The following SERPINB11 variants were observed in gnomAD, a reference collection of about 807,000 sequenced individuals.
SERPINB11 encodes the protein serpin family B member 11, also known as serpin B11.
Under a neutral mutation model 36.7 loss-of-function variants are expected in SERPINB11, and 32 were observed. The ratio of observed to expected loss-of-function variants is 0.87; its 90% CI spans 0.66 to 1.17. The LOEUF is 1.17. Ranked by LOEUF, SERPINB11 falls within the 50% of genes most tolerant of loss-of-function variation. The pLI is 0.00. For synonymous variants in SERPINB11, 174 were observed against 168.1 expected, an observed-to-expected ratio of 1.04 and a Z score of -0.27; for missense variants, 528 against 458.4, an observed-to-expected ratio of 1.15 and a Z score of -1.39.
intron 1 of SERPINB11, among the ~76,000 whole-genome samples, chr18:63,704,314 A>C (rs1357358): frequency 0.37 from 56,480 of 152,074 alleles, 11,343 homozygotes; most frequent in East Asian, 0.61. Context: ...TCTGCACATG[A>C]AAAGACAATC....
rs759858871 is a variant in SERPINB11 at position 63,723,045 on chromosome 18, T to C, written c.825T>C (p.Ser275=). The part of the protein sequence containing the change: ...SGTFHEWTSS[S]NMMEREVEVH... ...CGTTTCATGAGTGGACAAGCTCTTC[T>C]AACATGATGGAAAGAGAAGTTGAAG... The change falls in exon 8 of 8, where the codon TCT becomes TCC. Residue 275 remains serine (S), a synonymous_variant. Transcript: ENST00000544088. The C allele has an allele frequency of 4.4e-6, 7 of 1,601,880 alleles. No individual in the cohort carries two copies. The South Asian group carries it at 7.9e-5, about 18-fold the overall frequency.
At chr18:63,717,053 C>T (rs1344434344) in intron 5 of SERPINB11, among the ~76,000 whole-genome samples, 1 of 152,012 alleles carries the variant, frequency 6.6e-6, no homozygotes, top group Non-Finnish European at 1.5e-5. Context: ...TGGAAATAAG[C>T]CCCTTTTTTC....
At chr18:63,715,817 C>G (rs1415392657) in intron 4 of SERPINB11, among the ~76,000 whole-genome samples, 1 of 152,162 alleles carries the variant, frequency 6.6e-6, no homozygotes, top group Non-Finnish European at 1.5e-5. Context: ...GAAGTAACAA[C>G]AAAACATTTC....
At position 63,723,265 on chromosome 18, in the gene SERPINB11, G is replaced by T; in HGVS notation, c.1045G>T (p.Ala349Ser). ...CGAAGAGGGCACGGAGGCAGCAGCA[G>T]CCACTGGGGACAGCATCGCTGTAAA... ...VSEEGTEAAA[A>S]TGDSIAVKSL... is the part of the protein sequence containing the mutation. The change falls in exon 8 of 8, where the codon GCC (alanine) becomes TCC (serine). Residue 349 changes from alanine (A) to serine (S), a missense_variant. By Grantham distance (99) the Ala-to-Ser change is moderately conservative (BLOSUM62 1). Coordinates refer to ENST00000544088, the MANE Select transcript of SERPINB11 (RefSeq NM_001370475.1). 1 of 1,613,986 alleles carries T rather than the reference G, an allele frequency of 6.2e-7. No homozygotes were observed. The highest frequency in any genetic ancestry group is 8.5e-7 in the Non-Finnish European group (1 of 1,179,874).
intron 5 of SERPINB11, among the ~76,000 whole-genome samples, chr18:63,716,597 C>T (rs1272054312): frequency 6.6e-6 from 1 of 152,074 alleles, no homozygotes; most frequent in Admixed American, 6.6e-5. Flanking sequence ...AATCTCTCAC[C>T]CTTTCTCCAA....
At chr18:63,722,735 T>C (rs1476767820) in intron 7 of SERPINB11, among the ~76,000 whole-genome samples, 1 of 152,128 alleles carries the variant, frequency 6.6e-6, no homozygotes, top group African/African-American at 2.4e-5. Context: ...GTGAAGCATG[T>C]ATGCTGAGGG....
chr18:63,720,750 T>C (rs7239198), intron 6 of SERPINB11, 81 bp from the exon 7 acceptor site: 315,779 of 989,312 alleles, frequency 0.32, 54,922 homozygotes, highest in East Asian at 0.59. Context: ...CATGCAGATA[T>C]CCGTGTTATG....
intron 4 of SERPINB11, 136 bp from the exon 5 acceptor site, chr18:63,715,899 A>G (rs1914653829): frequency 1.8e-6 from 1 of 549,022 alleles, no homozygotes; most frequent in Non-Finnish European, 3.2e-6. Flanking sequence ...GTACATATGG[A>G]TCCTGTTTCC....
intron 1 of SERPINB11, among the ~76,000 whole-genome samples, chr18:63,707,863 A>G (rs1228805970): frequency 6.6e-6 from 1 of 152,238 alleles, no homozygotes; most frequent in Non-Finnish European, 1.5e-5. Context: ...AGGGAATCAG[A>G]TAATAAATAC....
chr18:63,709,861 A>G (rs1914471670), intron 1 of SERPINB11, among the ~76,000 whole-genome samples: 1 of 152,164 alleles, frequency 6.6e-6, no homozygotes. Flanking sequence ...GGAAATTCAG[A>G]ATACAAAGAT....
Position 63,722,844 on chromosome 18 carries a change from A to G in SERPINB11, c.775-151A>G, listed in dbSNP as rs557980900. Reference sequence around the variant, plus strand: ...GAAAAGGGAAAATGTGGCTAATGGTATGATTTTGTTCCCAGGTAAGTAGAC... The same window carrying G: ...GAAAAGGGAAAATGTGGCTAATGGTGTGATTTTGTTCCCAGGTAAGTAGAC... On this transcript the variant is annotated intron_variant, in intron 7 of 7. Coordinates refer to ENST00000544088, the MANE Select transcript of SERPINB11 (RefSeq NM_001370475.1). 127 of 705,402 alleles carry G rather than the reference A, an allele frequency of 1.8e-4. No individual in the cohort carries two copies. The South Asian group carries it at 3.3e-3, about 19-fold the overall frequency. The allele number at this position is 705,402 out of a possible 1,614,324, so 43.7% of individuals were successfully genotyped here. A position where few individuals can be genotyped will look rare whatever the true frequency, so the allele number is the denominator to read the frequency against.
intron 6 of SERPINB11, 60 bp downstream of exon 6, chr18:63,720,215 AC>A (rs1914772151): frequency 7.1e-7 from 1 of 1,417,948 alleles, no homozygotes; most frequent in Non-Finnish European, 9.7e-7. Flanking sequence ...TCATTTAAGG[AC>A]AATTTAGAAA....
rs754128061 is a variant in SERPINB11, at chr18:63,711,364, A to C, written c.198A>C (p.Ser66=). The C allele has an allele frequency of 6.2e-7, 1 of 1,611,362 alleles. No homozygotes were observed. The highest frequency in any genetic ancestry group is 1.1e-5 in the South Asian group (1 of 90,980). ...TTCATTTTAGTCATACTGTAGACTC[A>C]TTAAAACCAGGGTTCAAGGACTCAC... ...KVLHFSHTVD[S]LKPGFKDSPK... Residue 66 remains serine (S), a synonymous_variant, in exon 3 of 8, where the codon TCA becomes TCC. Coordinates refer to ENST00000544088, the MANE Select transcript of SERPINB11 (RefSeq NM_001370475.1).
chr18:63,703,201 G>A (rs1218698925), intron 1 of SERPINB11, among the ~76,000 whole-genome samples, 195 bp downstream of exon 1: 1 of 152,150 alleles, frequency 6.6e-6, no homozygotes, highest in Non-Finnish European at 1.5e-5. Flanking sequence ...CATTGATAGT[G>A]TGCATTTAAA....
intron 4 of SERPINB11, among the ~76,000 whole-genome samples, chr18:63,713,526 A>C (rs966884115): frequency 6.6e-6 from 1 of 152,198 alleles, no homozygotes; most frequent in Non-Finnish European, 1.5e-5. Flanking sequence ...GGATGAAAAC[A>C]TGAGTTTCTA....
chr18:63,711,955 A>C (rs151097827), intron 3 of SERPINB11, among the ~76,000 whole-genome samples: 64 of 152,302 alleles, frequency 4.2e-4, no homozygotes, highest in Admixed American at 1.4e-3. Flanking sequence ...ACGGAACCCA[A>C]CTTACTACTA....
At chr18:63,708,972 A>G (rs1914443318) in intron 1 of SERPINB11, among the ~76,000 whole-genome samples, 1 of 152,222 alleles carries the variant, frequency 6.6e-6, no homozygotes, top group Non-Finnish European at 1.5e-5. Context: ...GAAGTGTTTG[A>G]TGGCAATGAG....
At chr18:63,717,703 TC>T (rs1258758733) in intron 5 of SERPINB11, among the ~76,000 whole-genome samples, 1 of 152,078 alleles carries the variant, frequency 6.6e-6, no homozygotes, top group Non-Finnish European at 1.5e-5. Flanking sequence ...TGTTTTTTTT[TC>T]TGATAAATTT....
intron 2 of SERPINB11, 120 bp from the exon 3 acceptor site, chr18:63,711,215 A>G: frequency 5.5e-6 from 4 of 727,348 alleles, no homozygotes; most frequent in Non-Finnish European, 9.5e-6. Flanking sequence ...CACATTATTA[A>G]ATGTTAGCTA....
Sources: gnomAD v4.1 joint callset for allele counts (sites outside exome capture counted in the v4.1 genomes callset) on GRCh38, gnomAD v4.1.1 for gene constraint, MANE v1.5 for transcripts, NCBI Gene and HGNC (gene_info 2026-07-23, HGNC 2026-07-21) for gene names.